SEMA6A: variants seen among roughly 807,000 people sequenced by gnomAD.
SEMA6A encodes the protein semaphorin-6A.
A neutral mutation model predicts 96.8 loss-of-function variants in SEMA6A; 25 were observed. The ratio of observed to expected loss-of-function variants is 0.26; its 90% confidence interval spans 0.19 to 0.36. The LOEUF (loss-of-function observed/expected upper bound fraction) is 0.36, where lower values mean the gene tolerates loss of function less well. Among genes scored for constraint, SEMA6A ranks in the 10% least tolerant of loss-of-function variants. The probability of loss-of-function intolerance (pLI) is 1.00; values close to 1 mark genes in which losing one functional copy is unlikely to be tolerated. For synonymous variants in SEMA6A, 612 were observed against 518.0 expected (o/e 1.18, Z -2.46); for missense variants, 1,363 against 1,323.1 (o/e 1.03, Z -0.47).
chr5:116,478,839 TATAA>T (rs1057020503), intron 12 of SEMA6A, 121 bp from the exon 13 acceptor site: 1 of 928,586 alleles, frequency 1.1e-6, no homozygotes, highest in African/African-American at 1.7e-5. Flanking sequence ...AATATATGCA[TATAA>T]ATAATGTTCT....
intron 1 of SEMA6A, among the ~76,000 whole-genome samples, chr5:116,527,750 T>C (rs967364095): frequency 6.6e-6 from 1 of 152,174 alleles, no homozygotes; most frequent in African/African-American, 2.4e-5. Context: ...GAGTTAACAG[T>C]ATAACGTGAC....
intron 1 of SEMA6A, among the ~76,000 whole-genome samples, chr5:116,505,813 G>A (rs1271199365): frequency 6.6e-6 from 1 of 151,288 alleles, no homozygotes; most frequent in Non-Finnish European, 1.5e-5. Context: ...AGCTCTTTAT[G>A]TGCAGAAAAA....
chr5:116,508,822 C>T (rs942452760), intron 1 of SEMA6A, among the ~76,000 whole-genome samples: 3 of 152,178 alleles, frequency 2.0e-5, no homozygotes, highest in African/African-American at 4.8e-5. Context: ...AGGAGGCCTT[C>T]CTTACCCATT....
chr5:116,543,636 G>T (rs909716115), intron 1 of SEMA6A, among the ~76,000 whole-genome samples: 23 of 152,114 alleles, frequency 1.5e-4, no homozygotes, highest in African/African-American at 5.1e-4. Context: ...TTCTCCAAAG[G>T]TTTACAATCC....
intron 18 of SEMA6A, among the ~76,000 whole-genome samples, chr5:116,459,087 TATTA>T (rs1228466377): frequency 2.0e-5 from 3 of 152,172 alleles, no homozygotes; most frequent in African/African-American, 7.2e-5. Context: ...TGGATTATAT[TATTA>T]ATTAAGCCAC....
At chr5:116,475,824 G>A (rs1756417930) in intron 15 of SEMA6A, among the ~76,000 whole-genome samples, 1 of 152,142 alleles carries the variant, frequency 6.6e-6, no homozygotes, top group South Asian at 2.1e-4. Context: ...AGTGAATTCA[G>A]ATATTATTCA....
At chr5:116,560,862 G>C (rs1398597698) in intron 1 of SEMA6A, among the ~76,000 whole-genome samples, 6 of 149,326 alleles carry the variant, frequency 4.0e-5, no homozygotes, top group South Asian at 2.1e-4. Flanking sequence ...AGGAATTTAG[G>C]TCCCAGTTGC....
chr5:116,467,036 T>A (rs1046525448), intron 18 of SEMA6A, among the ~76,000 whole-genome samples: 3 of 152,024 alleles, frequency 2.0e-5, no homozygotes, highest in African/African-American at 7.2e-5. Flanking sequence ...TTAAATAACA[T>A]ATTTTTGTCT....
At chr5:116,486,155 G>A (rs191108368) in intron 10 of SEMA6A, among the ~76,000 whole-genome samples, 1 of 152,308 alleles carries the variant, frequency 6.6e-6, no homozygotes, top group African/African-American at 2.4e-5. Context: ...TGGTGAGTGA[G>A]CTTGCCCAAG....
Position 116,478,681 on chromosome 5 carries a change from C to CA in SEMA6A, c.1287dup (p.Gly430TrpfsTer28). 6.2e-7 allele frequency: 1 copy of CA among 1,613,620 alleles called. No homozygotes were observed. The highest frequency in any genetic ancestry group is 8.5e-7 in the Non-Finnish European group (1 of 1,179,784). ...ACCACAGTGTGATTCTGATATGGCC[C>CA]AGCAGCTGTGTCCACTGCAATTTTG... On this transcript the variant is annotated frameshift_variant, in exon 13 of 19. Coordinates refer to ENST00000343348, the MANE Select transcript of SEMA6A (RefSeq NM_020796.5). LOFTEE classifies it high-confidence loss of function.
At chr5:116,479,983 G>A in intron 12 of SEMA6A, 139 bp downstream of exon 12, 7 of 951,052 alleles carry the variant, frequency 7.4e-6, no homozygotes, top group South Asian at 6.5e-5. Flanking sequence ...CCAACCAATC[G>A]GCCACCATTT....
chr5:116,527,507 T>A (rs1388204958), intron 1 of SEMA6A, among the ~76,000 whole-genome samples: 1 of 152,160 alleles, frequency 6.6e-6, no homozygotes, highest in Non-Finnish European at 1.5e-5. Context: ...TTATACCCAA[T>A]AAGCCATGAA....
intron 1 of SEMA6A, among the ~76,000 whole-genome samples, chr5:116,505,685 T>C (rs1758114470): frequency 6.6e-6 from 1 of 152,214 alleles, no homozygotes; most frequent in South Asian, 2.1e-4. Flanking sequence ...TGAAACGGTA[T>C]TGTTGATTTA....
intron 1 of SEMA6A, among the ~76,000 whole-genome samples, chr5:116,544,414 C>G (rs1760099234): frequency 6.6e-6 from 1 of 152,082 alleles, no homozygotes; most frequent in Non-Finnish European, 1.5e-5. Flanking sequence ...CCTCAGCCTC[C>G]CGAGTAGCTG....
At chr5:116,521,846 CTAACA>C (rs2112817101) in intron 1 of SEMA6A, among the ~76,000 whole-genome samples, 1 of 151,754 alleles carries the variant, frequency 6.6e-6, no homozygotes, top group South Asian at 2.1e-4. Context: ...TACCCTTTCA[CTAACA>C]TAATTTTAGA....
At chr5:116,473,817 G>A (rs918931881) in intron 16 of SEMA6A, among the ~76,000 whole-genome samples, 2 of 152,206 alleles carry the variant, frequency 1.3e-5, no homozygotes, top group Non-Finnish European at 2.9e-5. Context: ...AACACGGGGA[G>A]AGGAGAAGCC....
At chr5:116,490,328 A>G (rs917876663) in intron 7 of SEMA6A, among the ~76,000 whole-genome samples, 1 of 152,182 alleles carries the variant, frequency 6.6e-6, no homozygotes, top group Non-Finnish European at 1.5e-5. Flanking sequence ...TAGAATATGT[A>G]TTCTATATTC....
intron 3 of SEMA6A, among the ~76,000 whole-genome samples, chr5:116,501,888 TCAAA>T (rs751240340): frequency 2.0e-4 from 31 of 152,128 alleles, no homozygotes; most frequent in African/African-American, 5.1e-4. Flanking sequence ...AAACTCCATC[TCAAA>T]CAAACAAACA....
chr5:116,547,734 TAAAAAAAAAAAA>T (rs34908253), intron 1 of SEMA6A, among the ~76,000 whole-genome samples: 10 of 65,556 alleles, frequency 1.5e-4, no homozygotes, highest in Admixed American at 2.1e-4. Context: ...ATCTGATACT[TAAAAAAAAAAAA>T]AAAAAAAAAA....
Sources: allele counts gnomAD v4.1 joint callset (sites outside exome capture counted in the v4.1 genomes callset), GRCh38; gene constraint gnomAD v4.1.1; transcripts MANE v1.5; gene names NCBI Gene and HGNC (gene_info 2026-07-23, HGNC 2026-07-21).